MSRA: variants seen among roughly 807,000 people sequenced by gnomAD.
The protein encoded by MSRA is methionine sulfoxide reductase A.
MSRA carries 54 observed loss-of-function variants against 31.3 expected under a neutral mutation model. The ratio of observed to expected loss-of-function variants is 1.73; its 90% CI spans 1.39 to 2.17. The LOEUF (loss-of-function observed/expected upper bound fraction) is 2.17. Among genes scored for constraint, MSRA ranks in the 30% most tolerant of loss-of-function variants. MSRA has a pLI of 0.00. For synonymous variants in MSRA, 169 were observed against 116.5 expected (o/e 1.45, Z -2.90); for missense variants, 507 against 300.9 (o/e 1.69, Z -5.07).
intron 5 of MSRA, among the ~76,000 whole-genome samples, chr8:10,331,475 A>G (rs1221718281): frequency 6.6e-6 from 1 of 152,230 alleles, no homozygotes; most frequent in African/African-American, 2.4e-5. Flanking sequence ...AGGCTAGGGC[A>G]GGATCTGTTC....
rs192298109 is a variant in MSRA, at chr8:10,221,393, C to G, written c.211+13492C>G. Among the ~76,000 whole-genome samples the G allele has an allele frequency of 5.3e-5, 8 of 151,256 alleles. No individual in the cohort carries two copies. In the East Asian group the frequency reaches 1.6e-3, roughly 29 times the overall value. On this transcript the variant is annotated intron_variant, in intron 2 of 5. Transcript: ENST00000317173. ...CCAGCACCACCCAGCTTTTCCATGT[C>G]TATATTAAGCTACATATTATAAATA...
chr8:10,389,764 CT>C lies in MSRA; in HGVS notation c.544-38374del, dbSNP rs34986609. 2.6e-3 allele frequency among the ~76,000 whole-genome samples: 310 copies of C among 118,316 alleles called. 2 individuals carry two copies. The highest frequency in any genetic ancestry group is 0.012 in the Middle Eastern group (2 of 166). The allele number at this position is 118,316 out of a possible 152,430, so 77.6% of individuals were successfully genotyped here. ...GCTTTTTTTTTTTTTTTTTTAAAGTCTTTTTTTTTTCCCCAGAAACTTACTC... is the reference window on the plus strand; with the variant it reads ...GCTTTTTTTTTTTTTTTTTTAAAGTCTTTTTTTTTCCCCAGAAACTTACTC... On this transcript the variant is annotated intron_variant, in intron 5 of 5. Transcript: ENST00000317173.
intron 1 of MSRA, among the ~76,000 whole-genome samples, chr8:10,123,931 C>T (rs904423985): frequency 3.3e-5 from 5 of 151,376 alleles, no homozygotes; most frequent in Non-Finnish European, 4.4e-5. Context: ...GTGGTGCAAT[C>T]GCAGCTCACT....
intron 5 of MSRA, among the ~76,000 whole-genome samples, chr8:10,423,284 C>T (rs1048885148): frequency 1.4e-4 from 22 of 152,280 alleles, no homozygotes; most frequent in Middle Eastern, 3.4e-3. Flanking sequence ...GGATCTAAGG[C>T]GTTCCATCTG....
At chr8:10,190,860 G>A (rs1052868500) in intron 1 of MSRA, among the ~76,000 whole-genome samples, 11 of 152,104 alleles carry the variant, frequency 7.2e-5, no homozygotes, top group African/African-American at 1.9e-4. Context: ...CCGTCCTTAC[G>A]TGTTTTTGCC....
intron 1 of MSRA, among the ~76,000 whole-genome samples, chr8:10,123,696 G>C (rs1392772036): frequency 6.6e-6 from 1 of 152,070 alleles, no homozygotes; most frequent in Non-Finnish European, 1.5e-5. Flanking sequence ...AATCAGTCCA[G>C]TTTCAATCTT....
intron 1 of MSRA, among the ~76,000 whole-genome samples, chr8:10,091,563 C>T (rs181867859): frequency 1.3e-5 from 2 of 149,610 alleles, no homozygotes; most frequent in East Asian, 3.9e-4. Flanking sequence ...ATTTCATTTT[C>T]TTTGGATATA....
At chr8:10,269,076 C>T (rs572182216) in intron 3 of MSRA, among the ~76,000 whole-genome samples, 1 of 152,332 alleles carries the variant, frequency 6.6e-6, no homozygotes, top group South Asian at 2.1e-4. Flanking sequence ...TCTCCAACGC[C>T]TTTATTGGCA....
chr8:10,316,730 A>G (rs1220386105), intron 4 of MSRA, among the ~76,000 whole-genome samples: 1 of 152,162 alleles, frequency 6.6e-6, no homozygotes, highest in African/African-American at 2.4e-5. Flanking sequence ...GGTTATATTC[A>G]TAGGGCTTGT....
chr8:10,173,283 C>G (rs571432745), intron 1 of MSRA, among the ~76,000 whole-genome samples: 1 of 152,352 alleles, frequency 6.6e-6, no homozygotes, highest in South Asian at 2.1e-4. Flanking sequence ...TTGTTCTCTG[C>G]CATGTAAAAG....
At chr8:10,273,975 G>A (rs978506523) in intron 3 of MSRA, among the ~76,000 whole-genome samples, 1 of 152,132 alleles carries the variant, frequency 6.6e-6, no homozygotes, top group African/African-American at 2.4e-5. Flanking sequence ...ATAGGAGAGA[G>A]TTGTACCCTG....
At chr8:10,163,933 G>C (rs1804890308) in intron 1 of MSRA, among the ~76,000 whole-genome samples, 2 of 152,216 alleles carry the variant, frequency 1.3e-5, no homozygotes, top group Non-Finnish European at 2.9e-5. Flanking sequence ...TCTAGAACCA[G>C]CCTTTCTGTC....
At chr8:10,189,393 T>G (rs147210578) in intron 1 of MSRA, among the ~76,000 whole-genome samples, 8 of 152,280 alleles carry the variant, frequency 5.3e-5, no homozygotes, top group African/African-American at 1.4e-4. Flanking sequence ...CAAATAGAAG[T>G]AGAGTGAGTG....
At chr8:10,332,474 A>C (rs1802765678) in intron 5 of MSRA, among the ~76,000 whole-genome samples, 1 of 145,026 alleles carries the variant, frequency 6.9e-6, no homozygotes, top group Non-Finnish European at 1.5e-5. Context: ...CCGTATGCCT[A>C]GCAATAGGGA....
intron 1 of MSRA, among the ~76,000 whole-genome samples, chr8:10,111,522 T>A (rs983810841): frequency 1.3e-5 from 2 of 152,204 alleles, no homozygotes; most frequent in African/African-American, 2.4e-5. Context: ...AAGGGAATTA[T>A]CATAGGGAGG....
In MSRA at chr8:10,301,553, A is replaced by G. The variant is rs773566232; in HGVS notation, c.351A>G (p.Glu117=). 2 of 1,613,566 alleles carry G rather than the reference A, an allele frequency of 1.2e-6. No individual in the cohort carries two copies. The highest frequency in any genetic ancestry group is 2.7e-5 in the African/African-American group (2 of 74,890). Residue 117 remains glutamate (E), a synonymous_variant, in exon 4 of 6, where the codon GAA becomes GAG. Coordinates refer to ENST00000317173, the MANE Select transcript of MSRA (RefSeq NM_012331.5). ...EVCSEKTGHA[E]VVRVVYQPEH... ...TCCAAGAAAAAACTGGCCATGCAGAAGTCGTCCGAGTGGTGTACCAGCCAG... is the reference window on the plus strand; with the variant it reads ...TCCAAGAAAAAACTGGCCATGCAGAGGTCGTCCGAGTGGTGTACCAGCCAG...
chr8:10,391,915 A>G (rs1048672622), intron 5 of MSRA, among the ~76,000 whole-genome samples: 1 of 152,192 alleles, frequency 6.6e-6, no homozygotes, highest in Non-Finnish European at 1.5e-5. Flanking sequence ...TTCCTGACCT[A>G]TGGAAGTGTC....
At chr8:10,151,261 CAAAAAAAAAAAAA>C (rs34388218) in intron 1 of MSRA, among the ~76,000 whole-genome samples, 1 of 109,146 alleles carries the variant, frequency 9.2e-6, no homozygotes, top group Non-Finnish European at 2.0e-5. Context: ...GAGTCTGTCT[CAAAAAAAAAAAAA>C]AAAAAAAAAA....
intron 1 of MSRA, among the ~76,000 whole-genome samples, chr8:10,149,362 G>A (rs1010211633): frequency 6.6e-6 from 1 of 152,126 alleles, no homozygotes; most frequent in Admixed American, 6.5e-5. Context: ...GACCTCAGGT[G>A]ATCCGCCCGC....
Sources: gnomAD v4.1 joint callset for allele counts (sites outside exome capture counted in the v4.1 genomes callset) on GRCh38, gnomAD v4.1.1 for gene constraint, MANE v1.5 for transcripts, NCBI Gene and HGNC (gene_info 2026-07-23, HGNC 2026-07-21) for gene names.